The following ESPNL variants were observed in gnomAD, a reference collection of about 807,000 sequenced individuals.
The protein encoded by ESPNL is espin like.
ESPNL carries 49 observed loss-of-function variants against 46.8 expected under a neutral mutation model. The ratio of observed to expected loss-of-function variants is 1.05; its 90% CI spans 0.83 to 1.33. ESPNL has a LOEUF of 1.33. Among genes scored for constraint, ESPNL ranks in the 40% most tolerant of loss-of-function variants. The probability of loss-of-function intolerance (pLI) is 0.00; values close to 1 mark genes in which losing one functional copy is unlikely to be tolerated. For synonymous variants in ESPNL, 664 were observed against 662.1 expected (o/e 1.00, Z -0.04); for missense variants, 1,540 against 1,436.6 (o/e 1.07, Z -1.16).
Position 238,100,505 on chromosome 2 carries a change from C to G in ESPNL, c.86C>G (p.Pro29Arg). ...CTGCTGGAGGCTGGCGCCCTGGGCCCGGGCATCACCGATGCTCTGGGGGCC... is the reference window on the plus strand; with the variant it reads ...CTGCTGGAGGCTGGCGCCCTGGGCCGGGGCATCACCGATGCTCTGGGGGCC... ...ERLLEAGALG[P>R]GITDALGAGL... Residue 29 changes from proline (P) to arginine (R), a missense_variant, in exon 1 of 9, where the codon CCG becomes CGG. Physicochemically the swap from Pro to Arg is moderately radical, Grantham distance 103 (BLOSUM62 -2). Coordinates refer to ENST00000343063, the MANE Select transcript of ESPNL (RefSeq NM_194312.4). The G allele has an allele frequency of 6.3e-7, 1 of 1,597,002 alleles. No homozygotes were observed. Among genetic ancestry groups the G allele is most frequent in the Non-Finnish European group, 8.5e-7 (1 of 1,174,720 alleles).
Position 238,130,509 on chromosome 2 carries a change from C to A in ESPNL, c.1795C>A (p.Leu599Met), listed in dbSNP as rs1294611058. Residue 599 changes from leucine to methionine, a missense_variant, in exon 9 of 9, where the codon CTG becomes ATG. Leu to Met is a conservative substitution (Grantham distance 15). Transcript: ENST00000343063. ...CTTCTGGTGCAGCCACATCTCCCGC[C>A]TGGTACGCAGCCTGTCCCTGCTGCT... ...LPFWCSHISR[L>M]VRSLSLLLKG... 6.3e-7 allele frequency: 1 copy of A among 1,598,576 alleles called. No individual in the cohort carries two copies. The highest frequency in any genetic ancestry group is 1.1e-5 in the South Asian group (1 of 88,976).
In ESPNL at chr2:238,128,584, C is replaced by T. The variant is rs1001723421; in HGVS notation, c.1216-123C>T. 9 of 865,350 alleles carry T rather than the reference C, an allele frequency of 1.0e-5. No individual in the cohort carries two copies. In the South Asian group the frequency reaches 1.2e-4, roughly 11 times the overall value. The allele number at this position is 865,350 out of a possible 1,614,324, so 53.6% of individuals were successfully genotyped here. On this transcript the variant is annotated intron_variant, in intron 7 of 8. Coordinates refer to ENST00000343063, the MANE Select transcript of ESPNL (RefSeq NM_194312.4). Reference sequence around the variant, plus strand: ...GCTGTCCGTGGCCCCCACTGTCCCTCCTCTCAGGGCGCCCTGTTAGCGTGC... The same window carrying T: ...GCTGTCCGTGGCCCCCACTGTCCCTTCTCTCAGGGCGCCCTGTTAGCGTGC...
intron 5 of ESPNL, among the ~76,000 whole-genome samples, chr2:238,125,032 A>C (rs1692073161): frequency 6.6e-6 from 1 of 152,122 alleles, no homozygotes; most frequent in Non-Finnish European, 1.5e-5. Flanking sequence ...ATAGAGGTGA[A>C]AGTGGGCGGG....
At chr2:238,124,747 G>A (rs1692065290) in intron 5 of ESPNL, among the ~76,000 whole-genome samples, 1 of 150,964 alleles carries the variant, frequency 6.6e-6, no homozygotes, top group African/African-American at 2.4e-5. Flanking sequence ...GTACATGCAT[G>A]TGTGTGCAGG....
chr2:238,131,603 C>T lies in ESPNL; in HGVS notation c.2889C>T (p.Pro963=). 6.2e-7 allele frequency: 1 copy of T among 1,611,726 alleles called. No homozygotes were observed. Among genetic ancestry groups the T allele is most frequent in the Non-Finnish European group, 8.5e-7 (1 of 1,179,154 alleles). The change falls in exon 9 of 9, where the codon CCC becomes CCT. Residue 963 remains proline, a synonymous_variant. Transcript: ENST00000343063. The part of the protein sequence containing the change: ...HAAVPCSGPE[P]TAQRLGSRSQ... ...CCGTCCCCTGCAGCGGCCCTGAGCC[C>T]ACAGCACAGCGGCTGGGGTCCCGCT...
At chr2:238,115,766 G>A (rs1691801110) in intron 4 of ESPNL, among the ~76,000 whole-genome samples, 1 of 152,196 alleles carries the variant, frequency 6.6e-6, no homozygotes, top group Non-Finnish European at 1.5e-5. Flanking sequence ...TCCGCCTCTT[G>A]GCTTAAAGCA....
chr2:238,110,802 T>C (rs1460086618), intron 4 of ESPNL, among the ~76,000 whole-genome samples: 3 of 152,230 alleles, frequency 2.0e-5, no homozygotes, highest in African/African-American at 7.2e-5. Flanking sequence ...AATTATCAAG[T>C]CTCCTCAGAT....
chr2:238,120,846 C>T (rs11902440), intron 5 of ESPNL, among the ~76,000 whole-genome samples: 27,055 of 152,236 alleles, frequency 0.18, 2,576 homozygotes, highest in East Asian at 0.24. Flanking sequence ...GAATGCAGTC[C>T]GCAGGGGCTG....
chr2:238,122,721 G>A (rs1016387005), intron 5 of ESPNL, among the ~76,000 whole-genome samples: 9 of 152,362 alleles, frequency 5.9e-5, no homozygotes, highest in African/African-American at 1.9e-4. Flanking sequence ...GGGCTCCCAG[G>A]CAGGGGCAGA....
chr2:238,117,076 T>C, intron 5 of ESPNL, 42 bp downstream of exon 5: 1 of 1,576,138 alleles, frequency 6.3e-7, no homozygotes, highest in Middle Eastern at 1.8e-4. Flanking sequence ...GCATGGGGGG[T>C]GGGCCCAGAC....
At position 238,100,502 on chromosome 2, in the gene ESPNL, G is replaced by T; in HGVS notation, c.83G>T (p.Gly28Val). The change falls in exon 1 of 9, where the codon GGC becomes GTC. Residue 28 changes from glycine to valine, a missense_variant. Gly to Val is a moderately radical substitution (Grantham distance 109). Coordinates refer to ENST00000343063, the MANE Select transcript of ESPNL (RefSeq NM_194312.4). ...LERLLEAGALGPGITDALGAG... is the reference protein window; with the variant it reads ...LERLLEAGALVPGITDALGAG... ...CGGCTGCTGGAGGCTGGCGCCCTGG[G>T]CCCGGGCATCACCGATGCTCTGGGG... The T allele has an allele frequency of 1.3e-6, 2 of 1,598,078 alleles. No individual in the cohort carries two copies. Among genetic ancestry groups the T allele is most frequent in the Non-Finnish European group, 8.5e-7 (1 of 1,175,204 alleles).
intron 3 of ESPNL, among the ~76,000 whole-genome samples, chr2:238,106,376 G>A (rs1047199683): frequency 9.2e-5 from 14 of 152,122 alleles, no homozygotes; most frequent in African/African-American, 3.4e-4. Context: ...CCTGCTCCCC[G>A]TGGCCCCAAG....
chr2:238,119,189 GAAT>G (rs1691915509), intron 5 of ESPNL, among the ~76,000 whole-genome samples: 1 of 120,882 alleles, frequency 8.3e-6, no homozygotes, highest in African/African-American at 3.0e-5. Context: ...GATGGAGGAG[GAAT>G]GGATGGAGGA....
At chr2:238,128,076 AG>A (rs1692181579) in intron 7 of ESPNL, among the ~76,000 whole-genome samples, 1 of 152,174 alleles carries the variant, frequency 6.6e-6, no homozygotes, top group South Asian at 2.1e-4. Flanking sequence ...ATCCATGGGC[AG>A]GGCCCCGCTG....
Position 238,130,242 on chromosome 2 carries a change from C to A in ESPNL, c.1528C>A (p.Leu510Met), listed in dbSNP as rs945126335. 1 of 1,610,994 alleles carries A rather than the reference C, an allele frequency of 6.2e-7. No homozygotes were observed. Residue 510 changes from leucine to methionine, a missense_variant, in exon 9 of 9, where the codon CTG (leucine) becomes ATG (methionine). Transcript: ENST00000343063. ...ELLTEDDLVY[L>M]EKQIADLQLR... ...GCTGACAGAGGATGACCTGGTCTAC[C>A]TGGAGAAGCAGATTGCAGACCTGCA...
At chr2:238,120,278 C>G (rs1691957088) in intron 5 of ESPNL, among the ~76,000 whole-genome samples, 1 of 152,110 alleles carries the variant, frequency 6.6e-6, no homozygotes, top group Non-Finnish European at 1.5e-5. Flanking sequence ...CAGCCTTGGC[C>G]TTTTTTGGGC....
At position 238,130,698 on chromosome 2, in the gene ESPNL, G is replaced by A. The variant is rs1403066130; in HGVS notation, c.1984G>A (p.Ala662Thr). 3 of 1,565,338 alleles carry A rather than the reference G, an allele frequency of 1.9e-6. No homozygotes were observed. The highest frequency in any genetic ancestry group is 4.7e-5 in the East Asian group (2 of 42,504). ...GACGCTGCGGGGCAACTTCGAGTCGGCCTCTGGCCCACTCTGTGGCTTCAA... is the reference window on the plus strand; with the variant it reads ...GACGCTGCGGGGCAACTTCGAGTCGACCTCTGGCCCACTCTGTGGCTTCAA... ...VRTLRGNFES[A>T]SGPLCGFNPG... The change falls in exon 9 of 9, where the codon GCC (alanine) becomes ACC (threonine). Residue 662 changes from alanine (A) to threonine (T), a missense_variant. By Grantham distance (58) the Ala-to-Thr change is moderately conservative (BLOSUM62 0). Transcript: ENST00000343063.
chr2:238,127,334 G>T (rs1265058098), intron 6 of ESPNL: 4 of 1,231,548 alleles, frequency 3.2e-6, no homozygotes, highest in Non-Finnish European at 4.1e-6. Flanking sequence ...GTTAGGGGCG[G>T]CCTCAAGCCC....
At chr2:238,129,181 A>G in intron 8 of ESPNL, 1 of 1,369,020 alleles carries the variant, frequency 7.3e-7, no homozygotes, top group Non-Finnish European at 9.4e-7. Flanking sequence ...GCGTTGTTCT[A>G]GGCCTTCCTG....
Sources: gnomAD v4.1 joint callset for allele counts (sites outside exome capture counted in the v4.1 genomes callset) on GRCh38, gnomAD v4.1.1 for gene constraint, MANE v1.5 for transcripts, NCBI Gene and HGNC (gene_info 2026-07-23, HGNC 2026-07-21) for gene names.